CCDC33: variants seen among roughly 807,000 people sequenced by gnomAD.
The protein encoded by CCDC33 is coiled-coil domain-containing protein 33.
A neutral mutation model predicts 91.9 loss-of-function variants in CCDC33; 94 were observed. That is an observed-to-expected ratio of 1.02 (90% confidence interval 0.87 to 1.21). CCDC33 has a LOEUF of 1.21. Among genes scored for constraint, CCDC33 ranks in the 50% most tolerant of loss-of-function variants. CCDC33 has a pLI of 0.00. For missense variants in CCDC33, 940 were observed against 935.5 expected, an observed-to-expected ratio of 1.00 and a Z score of -0.06; for synonymous variants, 396 against 374.5, an observed-to-expected ratio of 1.06 and a Z score of -0.66.
chr15:74,212,883 T>A (rs1180763197), upstream of CCDC33: 1 of 152,102 alleles, frequency 6.6e-6, no homozygotes, highest in Non-Finnish European at 1.5e-5. Context: ...AAACTCTAAC[T>A]TTCCCCAATT....
At chr15:74,234,490 A>G (rs1003088820), upstream of CCDC33, among the ~76,000 whole-genome samples, 7 of 151,010 alleles carry the variant, frequency 4.6e-5, no homozygotes, top group Non-Finnish European at 8.9e-5. Flanking sequence ...AGGAGGAAGC[A>G]GCTCTCGGGG....
At position 74,335,445 on chromosome 15, in the gene CCDC33, C is replaced by T. The variant is rs2060545888; in HGVS notation, c.2139+357C>T. ...ATGGGCAGAGTAGCTTGTGGCCCTA[C>T]CCCCCTGAATCCATAGAGCCTAAGA... On this transcript the variant is annotated intron_variant, in intron 18 of 18. Coordinates refer to ENST00000398814, the MANE Select transcript of CCDC33 (RefSeq NM_025055.5). 5.8e-6 allele frequency: 3 copies of T among 520,656 alleles called. No homozygotes were observed. In the East Asian group the frequency reaches 9.6e-5, roughly 17 times the overall value. The allele number at this position is 520,656 out of a possible 1,614,324, so 32.3% of individuals were successfully genotyped here.
chr15:74,226,321 G>A (rs1335683634), intron 2 of CCDC33, among the ~76,000 whole-genome samples: 2 of 152,188 alleles, frequency 1.3e-5, no homozygotes, highest in Admixed American at 1.3e-4. Context: ...GAGCAGTTAT[G>A]ACTTGGAGCA....
chr15:74,222,270 A>C (rs1160946522), intron 2 of CCDC33, among the ~76,000 whole-genome samples: 2 of 152,134 alleles, frequency 1.3e-5, no homozygotes, highest in Non-Finnish European at 2.9e-5. Context: ...AAATTCCCAG[A>C]GATATAATTT....
intron 10 of CCDC33, among the ~76,000 whole-genome samples, chr15:74,283,580 C>T (rs558252541): frequency 6.6e-6 from 1 of 152,132 alleles, no homozygotes. Context: ...CCAAGTCATG[C>T]GGGAAAATGC....
intron 1 of CCDC33, chr15:74,208,932 C>G: frequency 1.0e-6 from 1 of 996,086 alleles, no homozygotes. Context: ...GAGCCCAGCA[C>G]CAGCTGGGCT....
chr15:74,317,307 G>C (rs956506894), intron 11 of CCDC33, among the ~76,000 whole-genome samples: 3 of 152,210 alleles, frequency 2.0e-5, no homozygotes, highest in African/African-American at 7.2e-5. Flanking sequence ...CTTGCAGTGA[G>C]CCCAGATCGC....
intron 18 of CCDC33, 56 bp from the exon 19 acceptor site, chr15:74,335,869 G>A: frequency 7.4e-7 from 1 of 1,355,212 alleles, no homozygotes; most frequent in Non-Finnish European, 1.1e-6. Flanking sequence ...ATGCCCTTGA[G>A]CAGGTCACCC....
chr15:74,271,885 C>G (rs997333102), intron 6 of CCDC33, 91 bp downstream of exon 6: 3 of 1,145,520 alleles, frequency 2.6e-6, no homozygotes, highest in Admixed American at 2.0e-5. Context: ...GGGCTGATTC[C>G]AGGACCTCCG....
In CCDC33 at chr15:74,332,029, CA is replaced by C. The variant is rs569213984; in HGVS notation, c.1772-646del. Among the ~76,000 whole-genome samples the C allele has an allele frequency of 3.1e-4, 47 of 152,190 alleles. No homozygotes were observed. The South Asian group carries it at 9.5e-3, about 31-fold the overall frequency. ...TGGGTGACAGAGGGAGACTCCGCCT[CA>C]AAATAAATAAATAAATAAATGATTT... On this transcript the variant is annotated intron_variant, in intron 15 of 18. Coordinates refer to ENST00000398814, the MANE Select transcript of CCDC33 (RefSeq NM_025055.5).
At position 74,271,836 on chromosome 15, in the gene CCDC33, A is replaced by G. The variant is rs1202855416; in HGVS notation, c.638+42A>G. 4 of 1,535,496 alleles carry G rather than the reference A, an allele frequency of 2.6e-6. No individual in the cohort carries two copies. The Admixed American group carries it at 5.1e-5, about 20-fold the overall frequency. On this transcript the variant is annotated intron_variant, in intron 6 of 18. Coordinates refer to ENST00000398814, the MANE Select transcript of CCDC33 (RefSeq NM_025055.5). ...TGGACCTGGGTGAGGAGGGCAGAGC[A>G]GAGGGCAGAGGAGGGGGTGAGGCTG...
Position 74,218,625 on chromosome 15 carries a change from C to T in CCDC33, c.439C>T (p.Gln147Ter), listed in dbSNP as rs978553106. 20 of 1,289,736 alleles carry T rather than the reference C, an allele frequency of 1.6e-5. No homozygotes were observed. The African/African-American group carries it at 2.6e-4, about 17-fold the overall frequency. The allele number at this position is 1,289,736 out of a possible 1,614,324, so 79.9% of individuals were successfully genotyped here. Residue 147 changes from glutamine (Q) to a stop codon, truncating the protein, a stop_gained, in exon 2 of 3, where the codon CAA becomes TAA. Coordinates refer to the CCDC33 transcript ENST00000635913. LOFTEE classifies it high-confidence loss of function. The surrounding 1 kb of genome is among the most constrained non-coding windows in gnomAD (Gnocchi z 4.8). ...CTTCCCCATCTACCCGAGGCCAGAC[C>T]AACCCCGCATGAACCCAAAGGCTCA...
At chr15:74,258,966 C>G (rs555150710) in intron 2 of CCDC33, among the ~76,000 whole-genome samples, 14 of 152,158 alleles carry the variant, frequency 9.2e-5, no homozygotes, top group Non-Finnish European at 1.6e-4. Context: ...AAGACACACA[C>G]ACCCTTCCAG....
In CCDC33 at chr15:74,308,356, CAG is replaced by C. The variant is rs1491121760; in HGVS notation, c.1290+12410_1290+12411del. 3.8e-3 allele frequency among the ~76,000 whole-genome samples: 573 copies of C among 151,278 alleles called. 5 individuals carry two copies. Among genetic ancestry groups the C allele is most frequent in the African/African-American group, 0.013 (549 of 41,246 alleles). ...AGCCCAGTCCATGTGTGCAGACAGACAGACACACACACACACACACACACACA... is the reference window on the plus strand; with the variant it reads ...AGCCCAGTCCATGTGTGCAGACAGACACACACACACACACACACACACACA... On this transcript the variant is annotated intron_variant, in intron 11 of 18. Transcript: ENST00000398814.
chr15:74,211,716 T>G (rs1231880489), intron 2 of CCDC33, among the ~76,000 whole-genome samples: 1 of 152,028 alleles, frequency 6.6e-6, no homozygotes, highest in East Asian at 1.9e-4. Context: ...TTTCTCTCTT[T>G]CTATCTGGTT....
intron 1 of CCDC33, among the ~76,000 whole-genome samples, chr15:74,206,429 C>T (rs1158809095): frequency 6.6e-6 from 1 of 152,178 alleles, no homozygotes; most frequent in Non-Finnish European, 1.5e-5. Context: ...AAAGATGCTA[C>T]CTGGGAAGAC....
chr15:74,321,226 G>A (rs1596116287), intron 11 of CCDC33, among the ~76,000 whole-genome samples: 4 of 151,962 alleles, frequency 2.6e-5, no homozygotes, highest in South Asian at 4.2e-4. Flanking sequence ...TGGTTAATTC[G>A]CTTTATTTTA....
chr15:74,232,569 C>T (rs1251124873), upstream of CCDC33, among the ~76,000 whole-genome samples: 1 of 152,214 alleles, frequency 6.6e-6, no homozygotes, highest in Non-Finnish European at 1.5e-5. Flanking sequence ...ATCTCCCTAT[C>T]ACTCTTTCTC....
At chr15:74,257,280 C>T (rs2075895444) in intron 2 of CCDC33, among the ~76,000 whole-genome samples, 2 of 152,240 alleles carry the variant, frequency 1.3e-5, no homozygotes, top group South Asian at 4.1e-4. Flanking sequence ...GGCTCAAAAC[C>T]CACAAGGACC....
Sources: gnomAD v4.1 joint callset for allele counts (sites outside exome capture counted in the v4.1 genomes callset) on GRCh38, gnomAD v4.1.1 for gene constraint, Gnocchi (gnomAD v3.1) non-coding constraint, MANE v1.5 for transcripts, NCBI Gene and HGNC (gene_info 2026-07-23, HGNC 2026-07-21) for gene names.